Variants in LAPTM4A observed in about 807,000 individuals in gnomAD.
LAPTM4A encodes lysosomal protein transmembrane 4 alpha.
LAPTM4A carries 19 observed loss-of-function variants against 29.9 expected under a neutral mutation model. That is an observed-to-expected ratio of 0.64 (90% CI 0.44 to 0.93). LAPTM4A has a LOEUF of 0.93. Among genes scored for constraint, LAPTM4A ranks in the 40% least tolerant of loss-of-function variants. The pLI is 0.00. For synonymous variants in LAPTM4A, 105 were observed against 102.1 expected (o/e 1.03, Z -0.17); for missense variants, 293 against 288.5 (o/e 1.02, Z -0.11).
chr2:20,050,226 C>T (rs375590618), intron 1 of LAPTM4A, among the ~76,000 whole-genome samples: 2 of 152,154 alleles, frequency 1.3e-5, no homozygotes, highest in South Asian at 2.1e-4. Flanking sequence ...GTCAGGTAGT[C>T]CCCCGGGGGT....
intron 1 of LAPTM4A, among the ~76,000 whole-genome samples, chr2:20,044,584 T>C (rs1673871391): frequency 6.6e-6 from 1 of 152,172 alleles, no homozygotes; most frequent in Non-Finnish European, 1.5e-5. Context: ...CAATACTAAG[T>C]CTGTCTCTTA....
chr2:20,035,796 A>T (rs1273125594), intron 4 of LAPTM4A, among the ~76,000 whole-genome samples: 1 of 152,210 alleles, frequency 6.6e-6, no homozygotes, highest in Non-Finnish European at 1.5e-5. Context: ...TCTAAAAGGA[A>T]TAATAAATTT....
chr2:20,033,383 C>A, intron 6 of LAPTM4A, 104 bp from the exon 7 acceptor site: 2 of 841,434 alleles, frequency 2.4e-6, no homozygotes, highest in Non-Finnish European at 4.0e-6. Flanking sequence ...TTATACAAAA[C>A]CATAAAGAAG....
At chr2:20,047,487 G>C (rs553167140) in intron 1 of LAPTM4A, among the ~76,000 whole-genome samples, 4 of 147,938 alleles carry the variant, frequency 2.7e-5, no homozygotes, top group South Asian at 2.1e-4. Flanking sequence ...TCAGGAGATC[G>C]AGACCATCCT....
chr2:20,051,120 C>T (rs1674058539), intron 1 of LAPTM4A, among the ~76,000 whole-genome samples: 1 of 152,198 alleles, frequency 6.6e-6, no homozygotes, highest in South Asian at 2.1e-4. Flanking sequence ...CCACCCTCGT[C>T]CCTTCGCCTG....
chr2:20,035,307 T>C (rs149501214), intron 4 of LAPTM4A: 129 of 445,074 alleles, frequency 2.9e-4, no homozygotes, highest in Middle Eastern at 2.4e-3. Context: ...ATTTAGCTCG[T>C]TTTCTCTTTA....
rs769579607 is a variant in LAPTM4A, at chr2:20,037,599, A to C, written c.248T>G (p.Leu83Arg). 1 of 1,607,386 alleles carries C rather than the reference A, an allele frequency of 6.2e-7. No individual in the cohort carries two copies. Among genetic ancestry groups the C allele is most frequent in the Admixed American group, 1.7e-5 (1 of 58,872 alleles). The change falls in exon 3 of 7, where the codon CTT (leucine) becomes CGT (arginine). Residue 83 changes from leucine (L) to arginine (R), a missense_variant. By Grantham distance (102) the Leu-to-Arg change is moderately radical (BLOSUM62 -2). Coordinates refer to ENST00000175091, the MANE Select transcript of LAPTM4A (RefSeq NM_014713.5). ...SERMADNACVLFAVSVLMFII... is the reference protein window; with the variant it reads ...SERMADNACVRFAVSVLMFII... ...AAACATAAGAACAGAGACGGCAAAA[A>C]GAACACAGGCATTATCTAAGAAAAC...
At chr2:20,044,280 C>T (rs1206207365) in intron 1 of LAPTM4A, among the ~76,000 whole-genome samples, 1 of 152,154 alleles carries the variant, frequency 6.6e-6, no homozygotes, top group Non-Finnish European at 1.5e-5. Flanking sequence ...GTTATATGTT[C>T]TGTGTATGGA....
At chr2:20,045,648 G>A (rs868744736) in intron 1 of LAPTM4A, among the ~76,000 whole-genome samples, 97 of 152,156 alleles carry the variant, frequency 6.4e-4, no homozygotes, top group African/African-American at 2.2e-3. Flanking sequence ...TACATCTTAT[G>A]TAAGTGTGTA....
intron 4 of LAPTM4A, 127 bp downstream of exon 4, chr2:20,037,189 T>A: frequency 1.4e-6 from 1 of 735,782 alleles, no homozygotes; most frequent in South Asian, 2.8e-5. Flanking sequence ...CAGAAATAAT[T>A]ATTTTAAGAC....
chr2:20,046,905 C>T (rs1346109540), intron 1 of LAPTM4A, among the ~76,000 whole-genome samples: 2 of 149,256 alleles, frequency 1.3e-5, no homozygotes, highest in Non-Finnish European at 3.0e-5. Context: ...GGATTACAGG[C>T]GTGAGCCACT....
chr2:20,034,544 C>A, intron 5 of LAPTM4A, 129 bp from the exon 6 acceptor site: 1 of 673,148 alleles, frequency 1.5e-6, no homozygotes, highest in Non-Finnish European at 2.7e-6. Flanking sequence ...CTGTGTGGAC[C>A]CAGCACAGGC....
chr2:20,039,101 G>A (rs924043723), intron 2 of LAPTM4A, among the ~76,000 whole-genome samples: 2 of 152,056 alleles, frequency 1.3e-5, no homozygotes, highest in African/African-American at 4.8e-5. Context: ...ATTTTTAATA[G>A]AGACAGGATT....
chr2:20,042,022 G>A (rs1005241506), intron 1 of LAPTM4A, among the ~76,000 whole-genome samples: 4 of 152,152 alleles, frequency 2.6e-5, no homozygotes, highest in Non-Finnish European at 5.9e-5. Flanking sequence ...CCAGTTTGAT[G>A]GACATATATT....
In LAPTM4A at chr2:20,034,890, A is replaced by C. The variant is rs1475776595; in HGVS notation, c.528+77T>G. 3.0e-6 allele frequency: 3 copies of C among 998,638 alleles called. No homozygotes were observed. In the Admixed American group the frequency reaches 5.9e-5, roughly 20 times the overall value. 61.9% of individuals were successfully genotyped at this position (998,638 alleles called of 1,614,324 possible). A position where few individuals can be genotyped will look rare whatever the true frequency, so the allele number is the denominator to read the frequency against. ...AAATCCTCAATCTCCTGTGACTTGTAAGGTGAAAGGCAGCAAAAAGGTTTA... is the reference window on the plus strand; with the variant it reads ...AAATCCTCAATCTCCTGTGACTTGTCAGGTGAAAGGCAGCAAAAAGGTTTA... On this transcript the variant is annotated intron_variant, in intron 5 of 6. Transcript: ENST00000175091.
chr2:20,046,062 A>C (rs1257048712), intron 1 of LAPTM4A, among the ~76,000 whole-genome samples: 3 of 152,194 alleles, frequency 2.0e-5, no homozygotes, highest in Non-Finnish European at 4.4e-5. Flanking sequence ...ATGAAGCTGG[A>C]AACCATCATT....
intron 1 of LAPTM4A, among the ~76,000 whole-genome samples, chr2:20,046,559 C>A (rs1673923594): frequency 6.6e-6 from 1 of 151,470 alleles, no homozygotes; most frequent in African/African-American, 2.4e-5. Context: ...GCGATCTAGG[C>A]TCACTGCAAC....
Position 20,040,986 on chromosome 2 carries a change from A to G in LAPTM4A, c.137T>C (p.Leu46Ser), listed in dbSNP as rs962153509. 5 of 1,613,918 alleles carry G rather than the reference A, an allele frequency of 3.1e-6. No individual in the cohort carries two copies. Among genetic ancestry groups the G allele is most frequent in the Non-Finnish European group, 4.2e-6 (5 of 1,179,784 alleles). ...TGGATGAGTCACTTCCACAGTCAGCAAAATTGCCATCAATAGGTTTACTAC... is the reference window on the plus strand; with the variant it reads ...TGGATGAGTCACTTCCACAGTCAGCGAAATTGCCATCAATAGGTTTACTAC... ...YMVVNLLMAI[L>S]LTVEVTHPNS... The change falls in exon 2 of 7, where the codon TTG becomes TCG. Residue 46 changes from leucine (L) to serine (S), a missense_variant. Physicochemically the swap from Leu to Ser is moderately radical, Grantham distance 145. Coordinates refer to ENST00000175091, the MANE Select transcript of LAPTM4A (RefSeq NM_014713.5).
At chr2:20,051,238 A>C (rs2148217149) in intron 1 of LAPTM4A, among the ~76,000 whole-genome samples, 172 bp downstream of exon 1, 1 of 151,654 alleles carries the variant, frequency 6.6e-6, no homozygotes, top group Non-Finnish European at 1.5e-5. Flanking sequence ...ATTCCTGAAC[A>C]AGGTTACTTT....
Sources: allele counts gnomAD v4.1 joint callset (sites outside exome capture counted in the v4.1 genomes callset), GRCh38; gene constraint gnomAD v4.1.1; transcripts MANE v1.5; gene names NCBI Gene and HGNC (gene_info 2026-07-23, HGNC 2026-07-21).